SRPK2: variants seen among roughly 807,000 people sequenced by gnomAD.
SRPK2 encodes the protein SFRS protein kinase 2.
A neutral mutation model predicts 90.8 loss-of-function variants in SRPK2; 21 were observed. That is an observed-to-expected ratio of 0.23 (90% CI 0.16 to 0.33). The LOEUF is 0.33. SRPK2 is among the 10% of genes least tolerant of loss of function. The pLI is 1.00. For synonymous variants in SRPK2, 288 were observed against 311.1 expected, an observed-to-expected ratio of 0.93 and a Z score of 0.78; for missense variants, 620 against 869.0, an observed-to-expected ratio of 0.71 and a Z score of 3.60.
intron 10 of SRPK2, 110 bp from the exon 11 acceptor site, chr7:105,142,600 C>T: frequency 7.1e-7 from 1 of 1,409,320 alleles, no homozygotes; most frequent in Non-Finnish European, 9.4e-7. Context: ...TTATGTACCA[C>T]CTGGTAAACA....
chr7:105,279,506 G>A (rs189150635), intron 2 of SRPK2, among the ~76,000 whole-genome samples: 10 of 152,154 alleles, frequency 6.6e-5, no homozygotes, highest in Non-Finnish European at 1.2e-4. Context: ...CCCCCAGGAG[G>A]GTGTGAACAA....
intron 2 of SRPK2, chr7:105,268,821 G>A (rs754274292): frequency 1.6e-5 from 26 of 1,598,620 alleles, no homozygotes; most frequent in African/African-American, 4.0e-5. Context: ...TGAAGAGGAC[G>A]ACTTCTCAGA....
At chr7:105,349,280 T>A (rs1816865400) in intron 2 of SRPK2, among the ~76,000 whole-genome samples, 1 of 151,816 alleles carries the variant, frequency 6.6e-6, no homozygotes. Context: ...CCCAGCACTT[T>A]GGGAGGCCAA....
chr7:105,127,161 T>A, intron 13 of SRPK2, 99 bp from the exon 14 acceptor site: 1 of 1,123,506 alleles, frequency 8.9e-7, no homozygotes, highest in Non-Finnish European at 1.3e-6. Flanking sequence ...TATGAAGATC[T>A]GAATCAAACA....
chr7:105,288,378 G>T (rs529459756), intron 2 of SRPK2, among the ~76,000 whole-genome samples: 2 of 152,074 alleles, frequency 1.3e-5, no homozygotes, highest in African/African-American at 4.8e-5. Context: ...GGTGGATCAC[G>T]AAATCAGGAG....
intron 2 of SRPK2, among the ~76,000 whole-genome samples, chr7:105,388,325 G>A (rs1190007853): frequency 1.3e-5 from 2 of 151,352 alleles, no homozygotes; most frequent in Non-Finnish European, 3.0e-5. Context: ...CCCCGGGCCA[G>A]CTCGCGGGCA....
chr7:105,218,529 A>G (rs1797729518), intron 2 of SRPK2, among the ~76,000 whole-genome samples: 1 of 152,240 alleles, frequency 6.6e-6, no homozygotes, highest in African/African-American at 2.4e-5. Context: ...CAAGTAAGGA[A>G]AGTAGATACA....
upstream of SRPK2, among the ~76,000 whole-genome samples, chr7:105,394,127 T>G (rs960797008): frequency 5.3e-5 from 8 of 151,346 alleles, no homozygotes; most frequent in East Asian, 3.9e-4. Flanking sequence ...GCCAGAGTCT[T>G]TCTTTCTTTC....
chr7:105,299,948 A>T (rs1234693223), intron 2 of SRPK2, among the ~76,000 whole-genome samples: 2 of 152,094 alleles, frequency 1.3e-5, no homozygotes, highest in Non-Finnish European at 2.9e-5. Context: ...CAAAATAAAA[A>T]TCATTCCTTC....
At chr7:105,181,892 A>C (rs1399847996) in intron 3 of SRPK2, among the ~76,000 whole-genome samples, 4 of 146,186 alleles carry the variant, frequency 2.7e-5, no homozygotes, top group Admixed American at 2.0e-4. Flanking sequence ...AAAAAAAAAA[A>C]AAAACAGAAA....
chr7:105,137,749 T>G lies in SRPK2; in HGVS notation c.1543+4259A>C, dbSNP rs150687581. ...TCTTTAGCCTGGCATTTAGGTTTCT[T>G]CAAGTTCCTCAAACTGGCCCCAGTC... On this transcript the variant is annotated intron_variant, in intron 11 of 15. Transcript: ENST00000393651. 1.9e-3 allele frequency among the ~76,000 whole-genome samples: 289 copies of G among 152,290 alleles called. 2 individuals are homozygous for G. The highest frequency in any genetic ancestry group is 6.4e-3 in the African/African-American group (265 of 41,566).
chr7:105,200,947 T>C (rs553910300), intron 3 of SRPK2, among the ~76,000 whole-genome samples: 1 of 152,236 alleles, frequency 6.6e-6, no homozygotes, highest in African/African-American at 2.4e-5. Context: ...TAGTGAAGTA[T>C]CAGTGTTAAA....
chr7:105,251,284 GT>G (rs1802445830), intron 2 of SRPK2, among the ~76,000 whole-genome samples: 1 of 152,192 alleles, frequency 6.6e-6, no homozygotes, highest in African/African-American at 2.4e-5. Flanking sequence ...GCACCCAAGG[GT>G]TCCTCTAGAG....
At chr7:105,397,659 T>G (rs79407759) in intron 1 of SRPK2, among the ~76,000 whole-genome samples, 6 of 151,794 alleles carry the variant, frequency 4.0e-5, no homozygotes, top group East Asian at 1.9e-4. Flanking sequence ...TTTTTTTTTT[T>G]GGGAGACTGA....
intron 2 of SRPK2, among the ~76,000 whole-genome samples, chr7:105,368,753 C>T (rs368450340): frequency 3.3e-5 from 5 of 152,076 alleles, no homozygotes; most frequent in Non-Finnish European, 7.4e-5. Flanking sequence ...GGCATGGTGG[C>T]GCATGCCTGT....
intron 2 of SRPK2, among the ~76,000 whole-genome samples, chr7:105,302,867 G>A (rs1247951485): frequency 2.6e-5 from 4 of 151,602 alleles, no homozygotes; most frequent in Non-Finnish European, 5.9e-5. Context: ...TTTAATTTCT[G>A]TATTGTTGAA....
At chr7:105,124,286 C>T (rs1180189017) in intron 15 of SRPK2, among the ~76,000 whole-genome samples, 1 of 152,204 alleles carries the variant, frequency 6.6e-6, no homozygotes, top group Non-Finnish European at 1.5e-5. Context: ...TCTTTCCTTC[C>T]TTCCCGCTGT....
chr7:105,213,819 G>A (rs1185037382), intron 2 of SRPK2, among the ~76,000 whole-genome samples: 21 of 152,102 alleles, frequency 1.4e-4, no homozygotes. Flanking sequence ...AACAACTAAC[G>A]ATTGCCTCAT....
intron 2 of SRPK2, among the ~76,000 whole-genome samples, chr7:105,243,201 C>T (rs1375972974): frequency 6.6e-6 from 1 of 151,970 alleles, no homozygotes; most frequent in Non-Finnish European, 1.5e-5. Flanking sequence ...AAGGGGAATC[C>T]CTATGTTCCC....
Sources: gnomAD v4.1 joint callset for allele counts (sites outside exome capture counted in the v4.1 genomes callset) on GRCh38, gnomAD v4.1.1 for gene constraint, MANE v1.5 for transcripts, NCBI Gene and HGNC (gene_info 2026-07-23, HGNC 2026-07-21) for gene names.